The following AFG2A variants were observed in gnomAD, a reference collection of about 807,000 sequenced individuals.
The protein encoded by AFG2A is ATPase family gene 2 protein homolog A.
chr4:123,258,947 A>G, the AFG2A span, among the ~76,000 whole-genome samples: 1 of 148,572 alleles, frequency 6.7e-6, no homozygotes, highest in Non-Finnish European at 1.5e-5. Flanking sequence ...GCTCACTGCA[A>G]CCTCCGCCTC....
the AFG2A span, among the ~76,000 whole-genome samples, chr4:123,012,295 C>T: frequency 0.012 from 1,630 of 138,496 alleles, 32 homozygotes; most frequent in African/African-American, 0.043. Flanking sequence ...GGTGGGGGTG[C>T]TTGTCCCCCA....
At chr4:123,118,096 TG>T in the AFG2A span, among the ~76,000 whole-genome samples, 1 of 151,112 alleles carries the variant, frequency 6.6e-6, no homozygotes, top group African/African-American at 2.4e-5. Context: ...TTTGTTAAGA[TG>T]GTATTTTGAA....
the AFG2A span, among the ~76,000 whole-genome samples, chr4:123,284,905 G>T: frequency 6.6e-6 from 1 of 152,238 alleles, no homozygotes; most frequent in East Asian, 1.9e-4. Flanking sequence ...AGTGAACTCA[G>T]GAAATTAAAA....
the AFG2A span, among the ~76,000 whole-genome samples, chr4:123,170,244 TAAG>T: frequency 6.6e-6 from 1 of 152,228 alleles, no homozygotes; most frequent in East Asian, 1.9e-4. Flanking sequence ...TCTGGCATTC[TAAG>T]AAGACTTACC....
the AFG2A span, among the ~76,000 whole-genome samples, chr4:123,101,951 T>C: frequency 1.2e-4 from 18 of 151,922 alleles, no homozygotes; most frequent in Non-Finnish European, 4.4e-5. Flanking sequence ...AGCTGTGTTA[T>C]TAACAGACTG....
the AFG2A span, among the ~76,000 whole-genome samples, chr4:123,267,920 A>G: frequency 6.6e-6 from 1 of 152,052 alleles, no homozygotes; most frequent in Non-Finnish European, 1.5e-5. Flanking sequence ...TGAACTGAGT[A>G]TGTCTGTAAA....
At chr4:123,315,274 C>T in the AFG2A span, 3 of 151,158 alleles carry the variant, frequency 2.0e-5, no homozygotes, top group African/African-American at 7.3e-5. Flanking sequence ...AGCTCTGCCT[C>T]CTGGGTTTAC....
the AFG2A span, among the ~76,000 whole-genome samples, chr4:122,978,865 G>T: frequency 2.0e-5 from 3 of 152,226 alleles, no homozygotes; most frequent in East Asian, 1.9e-4. Flanking sequence ...ATCAGAGCAG[G>T]CAAAAAGTTT....
chr4:123,017,427 T>A, the AFG2A span, among the ~76,000 whole-genome samples: 3 of 9,958 alleles, frequency 3.0e-4, no homozygotes, highest in Admixed American at 5.2e-3. Flanking sequence ...TTTTTTTTTT[T>A]TTTTTTTTTT....
At chr4:123,114,934 T>A in the AFG2A span, among the ~76,000 whole-genome samples, 1 of 152,106 alleles carries the variant, frequency 6.6e-6, no homozygotes, top group Non-Finnish European at 1.5e-5. Flanking sequence ...TTTCAAGACA[T>A]GGTGGGGCGC....
the AFG2A span, among the ~76,000 whole-genome samples, chr4:123,067,596 T>G: frequency 2.7e-5 from 2 of 72,970 alleles, no homozygotes; most frequent in Non-Finnish European, 5.5e-5. Flanking sequence ...ATATTTAAAA[T>G]GTATACTAGG....
chr4:123,244,471 C>T, the AFG2A span, among the ~76,000 whole-genome samples: 1 of 152,188 alleles, frequency 6.6e-6, no homozygotes, highest in African/African-American at 2.4e-5. Flanking sequence ...CACCACTCGG[C>T]GTCACCACTG....
chr4:122,944,483 C>T, the AFG2A span, among the ~76,000 whole-genome samples: 3 of 152,310 alleles, frequency 2.0e-5, no homozygotes, highest in South Asian at 2.1e-4. Context: ...GCTTTCAGCT[C>T]CATCAGCTCC....
the AFG2A span, among the ~76,000 whole-genome samples, chr4:123,138,230 A>T: frequency 6.6e-6 from 1 of 152,170 alleles, no homozygotes; most frequent in African/African-American, 2.4e-5. Flanking sequence ...TGACTTGCAA[A>T]GAGATTTCAT....
the AFG2A span, among the ~76,000 whole-genome samples, chr4:123,250,882 T>C: frequency 6.6e-5 from 10 of 152,102 alleles, no homozygotes; most frequent in African/African-American, 2.4e-4. Flanking sequence ...CACCCTAATA[T>C]CCCAAAACAG....
chr4:123,086,359 T>C, the AFG2A span, among the ~76,000 whole-genome samples: 3 of 152,220 alleles, frequency 2.0e-5, no homozygotes, highest in Non-Finnish European at 2.9e-5. Context: ...ACTTTCTTTT[T>C]GCTCACATGG....
the AFG2A span, among the ~76,000 whole-genome samples, chr4:123,311,655 A>AAG: frequency 2.5e-3 from 370 of 145,584 alleles, 5 homozygotes; most frequent in East Asian, 0.058. Flanking sequence ...AAAAAAAAAA[A>AAG]AGAGAGAGAA....
chr4:123,251,896 G>A, the AFG2A span, among the ~76,000 whole-genome samples: 3,385 of 152,046 alleles, frequency 0.022, 64 homozygotes, highest in Non-Finnish European at 0.035. Flanking sequence ...TAATTTGTAC[G>A]TAAGTTAAGG....
the AFG2A span, among the ~76,000 whole-genome samples, chr4:123,310,842 C>T: frequency 6.6e-6 from 1 of 152,158 alleles, no homozygotes. Flanking sequence ...ACCTTATTGA[C>T]TAGTTCTTCA....
Sources: allele counts gnomAD v4.1 joint callset (sites outside exome capture counted in the v4.1 genomes callset), GRCh38; gene constraint gnomAD v4.1.1; transcripts MANE v1.5; gene names NCBI Gene and HGNC (gene_info 2026-07-23, HGNC 2026-07-21).